The following WIPI1 variants were observed in gnomAD, a reference collection of about 807,000 sequenced individuals.
WIPI1 encodes WD repeat domain phosphoinositide-interacting protein 1.
Under a neutral mutation model 55.3 loss-of-function variants are expected in WIPI1, and 45 were observed. That is an observed-to-expected ratio of 0.81 (90% CI 0.64 to 1.04). WIPI1 has a LOEUF of 1.04. Among genes scored for constraint, WIPI1 ranks in the 50% least tolerant of loss-of-function variants. The pLI, the probability that WIPI1 is intolerant of heterozygous loss-of-function variation, is 0.00. For missense variants in WIPI1, 445 were observed against 559.0 expected (o/e 0.80, Z 2.06); for synonymous variants, 195 against 217.6 (o/e 0.90, Z 0.92).
chr17:68,430,269 A>C, intron 8 of WIPI1, 109 bp from the exon 9 acceptor site: 1 of 1,129,896 alleles, frequency 8.9e-7, no homozygotes. Flanking sequence ...GCAGGGAGAG[A>C]CTGTGCCTTA....
intron 10 of WIPI1, 58 bp from the exon 11 acceptor site, chr17:68,427,311 C>T: frequency 5.3e-6 from 7 of 1,314,268 alleles, no homozygotes; most frequent in Non-Finnish European, 7.6e-6. Flanking sequence ...ATATCTAGGA[C>T]ACCTTCCAAA....
In WIPI1 at chr17:68,428,882, C is replaced by T; in HGVS notation, c.1020G>A (p.Met340Ile). The T allele has an allele frequency of 6.2e-7, 1 of 1,614,158 alleles. No individual in the cohort carries two copies. The change falls in exon 10 of 13, where the codon ATG (methionine) becomes ATA (isoleucine). Residue 340 changes from methionine (M) to isoleucine (I), a missense_variant. By Grantham distance (10) the Met-to-Ile change is conservative. Transcript: ENST00000262139. Reference protein sequence around the residue: ...LVASSSGHLYMYNLDPQDGGE... With the variant: ...LVASSSGHLYIYNLDPQDGGE... ...CTCCATCCTGAGGATCCAAATTGTACATATAAAGGTGTCCACTGGATGACG... is the reference window on the plus strand; with the variant it reads ...CTCCATCCTGAGGATCCAAATTGTATATATAAAGGTGTCCACTGGATGACG...
At position 68,455,026 on chromosome 17, in the gene WIPI1, C is replaced by T. The variant is rs62085933; in HGVS notation, c.81-2034G>A. Reference sequence around the variant, plus strand: ...AAATTCTAATCACCACTCATGGAAACAGAGCTTGGGACAAATATTTATCAT... The same window carrying T: ...AAATTCTAATCACCACTCATGGAAATAGAGCTTGGGACAAATATTTATCAT... On this transcript the variant is annotated intron_variant, in intron 1 of 12. Coordinates refer to ENST00000262139, the MANE Select transcript of WIPI1 (RefSeq NM_017983.7). Among the ~76,000 whole-genome samples, 1,383 of 152,260 alleles carry T rather than the reference C, an allele frequency of 9.1e-3. 7 individuals are homozygous for T. The highest frequency in any genetic ancestry group is 0.014 in the Non-Finnish European group (986 of 68,020).
intron 12 of WIPI1, chr17:68,422,079 A>G (rs2082821995): frequency 8.7e-6 from 4 of 458,372 alleles, no homozygotes; most frequent in East Asian, 7.2e-5. Flanking sequence ...GTATATGTAT[A>G]TATTTTTAAA....
rs112252594 is a variant in WIPI1, at chr17:68,430,685, T to C, written c.801-525A>G. Reference sequence around the variant, plus strand: ...TACCCAGCATGTGTAATGATGGAGATCATGCAAAGGGACCTGGGATGTCGC... The same window carrying C: ...TACCCAGCATGTGTAATGATGGAGACCATGCAAAGGGACCTGGGATGTCGC... On this transcript the variant is annotated intron_variant, in intron 8 of 12. Transcript: ENST00000262139. Among the ~76,000 whole-genome samples the C allele has an allele frequency of 6.0e-3, 919 of 152,236 alleles. 12 individuals carry two copies. Among genetic ancestry groups the C allele is most frequent in the African/African-American group, 0.021 (867 of 41,536 alleles).
intron 10 of WIPI1, among the ~76,000 whole-genome samples, chr17:68,427,959 A>G (rs1446605120): frequency 6.6e-6 from 1 of 151,460 alleles, no homozygotes; most frequent in Non-Finnish European, 1.5e-5. Flanking sequence ...GTGTGACCAC[A>G]GCTTACTGCA....
chr17:68,431,631 A>G (rs1026510705), intron 8 of WIPI1, among the ~76,000 whole-genome samples: 2 of 66,304 alleles, frequency 3.0e-5, no homozygotes, highest in Non-Finnish European at 6.3e-5. Flanking sequence ...AAGAGACTGG[A>G]AAGTCAGACC....
chr17:68,449,578 G>C (rs577479226), intron 3 of WIPI1, among the ~76,000 whole-genome samples: 1 of 152,322 alleles, frequency 6.6e-6, no homozygotes, highest in South Asian at 2.1e-4. Flanking sequence ...GAGTGAGTGA[G>C]TTCTCACGAG....
At chr17:68,431,093 T>G (rs1027367737) in intron 8 of WIPI1, among the ~76,000 whole-genome samples, 4 of 152,162 alleles carry the variant, frequency 2.6e-5, no homozygotes, top group African/African-American at 9.7e-5. Context: ...AGCCCTGTGC[T>G]CCGGGCTGGG....
At chr17:68,433,126 G>A (rs1309252305) in intron 8 of WIPI1, among the ~76,000 whole-genome samples, 4 of 152,224 alleles carry the variant, frequency 2.6e-5, no homozygotes, top group East Asian at 1.9e-4. Context: ...TGCCAGGCAC[G>A]ATGCTGAACA....
At chr17:68,447,401 A>T (rs1476253303) in intron 3 of WIPI1, among the ~76,000 whole-genome samples, 1 of 152,152 alleles carries the variant, frequency 6.6e-6, no homozygotes, top group African/African-American at 2.4e-5. Flanking sequence ...TTTTTTATAG[A>T]GACAGGGTCT....
chr17:68,439,495 T>A (rs1029761225), intron 4 of WIPI1, among the ~76,000 whole-genome samples: 2 of 152,076 alleles, frequency 1.3e-5, no homozygotes, highest in African/African-American at 4.8e-5. Flanking sequence ...TAGGGAGTGA[T>A]GGCTTAGAGG....
At chr17:68,426,038 A>G in intron 12 of WIPI1, 37 bp downstream of exon 12, 1 of 1,580,102 alleles carries the variant, frequency 6.3e-7, no homozygotes, top group East Asian at 2.2e-5. Context: ...CTAAGCACAC[A>G]GACTGAGCCG....
At chr17:68,435,749 G>A (rs773689067) in intron 5 of WIPI1, 37 bp from the exon 6 acceptor site, 12 of 1,591,224 alleles carry the variant, frequency 7.5e-6, no homozygotes, top group Middle Eastern at 1.7e-4. Context: ...CAGATGCTGC[G>A]GAGGAGGGAA....
intron 1 of WIPI1, among the ~76,000 whole-genome samples, chr17:68,456,019 A>G (rs2084637379): frequency 6.6e-6 from 1 of 152,226 alleles, no homozygotes; most frequent in Admixed American, 6.5e-5. Context: ...AGTGGATCCT[A>G]AAACGCAATT....
rs374988909 is a variant in WIPI1, at chr17:68,436,354, T to G, written c.528+28A>C. ...GACCACACAGCCAAGGCAGGTGGGT[T>G]GGCTCAGCCAGGTCACCGTCAACTT... is the stretch of plus-strand genomic sequence containing the variant. On this transcript the variant is annotated intron_variant, in intron 5 of 12. Transcript: ENST00000262139. 85 of 1,605,090 alleles carry G rather than the reference T, an allele frequency of 5.3e-5. No homozygotes were observed. In the African/African-American group the frequency reaches 9.2e-4, roughly 17 times the overall value.
chr17:68,432,697 G>C (rs1600298105), intron 8 of WIPI1, among the ~76,000 whole-genome samples: 1 of 152,262 alleles, frequency 6.6e-6, no homozygotes, highest in East Asian at 1.9e-4. Flanking sequence ...CTCCATCCAA[G>C]GGTACCAGCA....
intron 8 of WIPI1, among the ~76,000 whole-genome samples, 195 bp from the exon 9 acceptor site, chr17:68,430,355 T>G (rs1232268855): frequency 6.6e-6 from 1 of 152,206 alleles, no homozygotes; most frequent in Non-Finnish European, 1.5e-5. Flanking sequence ...AAGGGCTTGT[T>G]TGTTCTTCAG....
rs1337371605 is a variant in WIPI1 at position 68,421,477 on chromosome 17, C to A, written c.*296G>T. ...ACGGCATATATTTAAAAAGGAGGCC[C>A]CTTTTAATATAAAATTCCGGTTATA... is the stretch of plus-strand genomic sequence containing the variant. On this transcript the variant is annotated 3_prime_UTR_variant, in exon 13 of 13. Transcript: ENST00000262139. 1 of 392,308 alleles carries A rather than the reference C, an allele frequency of 2.5e-6. No homozygotes were observed. Among genetic ancestry groups the A allele is most frequent in the African/African-American group, 2.0e-5 (1 of 50,192 alleles). 24.3% of individuals were successfully genotyped at this position (392,308 alleles called of 1,614,324 possible).
Sources: gnomAD v4.1 joint callset for allele counts (sites outside exome capture counted in the v4.1 genomes callset) on GRCh38, gnomAD v4.1.1 for gene constraint, MANE v1.5 for transcripts, NCBI Gene and HGNC (gene_info 2026-07-23, HGNC 2026-07-21) for gene names.